The following ANKRD10 variants were observed in gnomAD, a reference collection of about 807,000 sequenced individuals.
ANKRD10 encodes the protein ankyrin repeat domain-containing protein 10.
ANKRD10 carries 14 observed loss-of-function variants against 27.0 expected under a neutral mutation model. The ratio of observed to expected loss-of-function variants is 0.52; its 90% CI spans 0.34 to 0.81. The LOEUF (loss-of-function observed/expected upper bound fraction) is 0.81, where lower values mean the gene tolerates loss of function less well. ANKRD10 is among the 40% of genes least tolerant of loss of function. The pLI, the probability that ANKRD10 is intolerant of heterozygous loss-of-function variation, is 0.01. For missense variants in ANKRD10, 493 were observed against 544.0 expected (o/e 0.91, Z 0.93); for synonymous variants, 250 against 224.5 (o/e 1.11, Z -1.01).
At position 110,906,034 on chromosome 13, in the gene ANKRD10, C is replaced by T. The variant is rs145034489; in HGVS notation, c.454G>A (p.Asp152Asn). Residue 152 changes from aspartate to asparagine, a missense_variant and splice_region_variant, in exon 3 of 6, where the codon GAC becomes AAC. Physicochemically the swap from Asp to Asn is conservative, Grantham distance 23. Coordinates refer to ENST00000267339, the MANE Select transcript of ANKRD10 (RefSeq NM_017664.4). ...SALVANGAHV[D>N]LRNASGLTAA... is the part of the protein sequence containing the mutation. ...AAAGAATAAACGAAAGACACTTACT[C>T]GACGTGAGCCCCATTCGCCACAAGG... 310 of 1,591,980 alleles carry T rather than the reference C, an allele frequency of 1.9e-4. 4 individuals carry two copies. The South Asian group carries it at 2.7e-3, about 14-fold the overall frequency.
rs1325104896 is a variant in ANKRD10 at position 110,884,185 on chromosome 13, AT to A, written c.692-393del. 9.3e-5 allele frequency among the ~76,000 whole-genome samples: 14 copies of A among 150,158 alleles called. No homozygotes were observed. The South Asian group carries it at 3.0e-3, about 32-fold the overall frequency. ...TTTACATACAATTAAAACAATCCTGATTTTTTAAAAAAATCCACTATTTCCA... is the reference window on the plus strand; with the variant it reads ...TTTACATACAATTAAAACAATCCTGATTTTTAAAAAAATCCACTATTTCCA... On this transcript the variant is annotated intron_variant, in intron 4 of 5. Transcript: ENST00000267339.
intron 4 of ANKRD10, among the ~76,000 whole-genome samples, chr13:110,887,832 T>TC (rs1303006785): frequency 1.3e-5 from 2 of 152,082 alleles, no homozygotes; most frequent in Admixed American, 6.5e-5. Context: ...CCAGGACCCC[T>TC]CCCGCCTGTG....
intron 5 of ANKRD10, among the ~76,000 whole-genome samples, chr13:110,881,756 A>C (rs2064824100): frequency 6.6e-6 from 1 of 152,248 alleles, no homozygotes; most frequent in Non-Finnish European, 1.5e-5. Context: ...GTTTTTACTA[A>C]GAGAATAAAG....
Position 110,915,020 on chromosome 13 carries a change from AC to A in ANKRD10, c.-87del. The A allele has an allele frequency of 6.8e-7, 1 of 1,465,696 alleles. No individual in the cohort carries two copies. Among genetic ancestry groups the A allele is most frequent in the Non-Finnish European group, 9.0e-7 (1 of 1,113,662 alleles). The allele number at this position is 1,465,696 out of a possible 1,614,324, so 90.8% of individuals were successfully genotyped here. A position where few individuals can be genotyped will look rare whatever the true frequency, so the allele number is the denominator to read the frequency against. On this transcript the variant is annotated 5_prime_UTR_variant, in exon 1 of 6. Transcript: ENST00000267339. ...GAAGCCGCCGCCGCAGCACAAAGGAACGAGACTAGCGCCGCGGTCGCGTCCC... is the reference window on the plus strand; with the variant it reads ...GAAGCCGCCGCCGCAGCACAAAGGAAGAGACTAGCGCCGCGGTCGCGTCCC...
At chr13:110,880,828 G>A (rs1253201030) in intron 5 of ANKRD10, among the ~76,000 whole-genome samples, 2 of 152,164 alleles carry the variant, frequency 1.3e-5, no homozygotes, top group African/African-American at 2.4e-5. Flanking sequence ...GAACTGTAAC[G>A]GCCAACAGTC....
rs768347391 is a variant in ANKRD10 at position 110,879,749 on chromosome 13, G to A, written c.1151C>T (p.Ala384Val). The A allele has an allele frequency of 1.2e-6, 2 of 1,614,244 alleles. No individual in the cohort carries two copies. The highest frequency in any genetic ancestry group is 1.7e-6 in the Non-Finnish European group (2 of 1,180,046). The part of the protein sequence containing the change: ...YGHYHGFGDT[A>V]ESIPELNSVV... ...ACTGTTCAGTTCTGGGATGCTTTCA[G>A]CAGTGTCCCCAAACCCGTGGTAGTG... is the stretch of plus-strand genomic sequence containing the variant. The change falls in exon 6 of 6, where the codon GCT becomes GTT. Residue 384 changes from alanine (A) to valine (V), a missense_variant. Physicochemically the swap from Ala to Val is moderately conservative, Grantham distance 64. Coordinates refer to ENST00000267339, the MANE Select transcript of ANKRD10 (RefSeq NM_017664.4).
chr13:110,889,458 T>C (rs1024046599), intron 4 of ANKRD10, among the ~76,000 whole-genome samples: 37 of 152,200 alleles, frequency 2.4e-4, no homozygotes, highest in African/African-American at 8.7e-4. Flanking sequence ...TAAACTGCAT[T>C]TGACACAGAT....
intron 3 of ANKRD10, among the ~76,000 whole-genome samples, chr13:110,897,574 G>A (rs1402328735): frequency 6.6e-6 from 1 of 151,928 alleles, no homozygotes; most frequent in Non-Finnish European, 1.5e-5. Context: ...GTATTCCACG[G>A]GGTATATATA....
intron 1 of ANKRD10, among the ~76,000 whole-genome samples, chr13:110,913,968 A>G (rs1308097233): frequency 6.6e-6 from 1 of 152,166 alleles, no homozygotes; most frequent in Non-Finnish European, 1.5e-5. Flanking sequence ...AAGAAAAAAG[A>G]GGGGAACGTA....
At chr13:110,883,400 A>G (rs748959447) in intron 5 of ANKRD10, 16 of 619,448 alleles carry the variant, frequency 2.6e-5, no homozygotes, top group Non-Finnish European at 3.2e-5. Context: ...TTGCACTTAC[A>G]TTTTTCATGT....
intron 3 of ANKRD10, among the ~76,000 whole-genome samples, chr13:110,901,120 T>C (rs1566479023): frequency 6.6e-6 from 1 of 152,162 alleles, no homozygotes; most frequent in East Asian, 1.9e-4. Flanking sequence ...TAAAAAAAGA[T>C]AAAAAACATT....
chr13:110,894,561 T>A (rs1169917509), intron 3 of ANKRD10: 1 of 160,338 alleles, frequency 6.2e-6, no homozygotes, highest in Non-Finnish European at 1.4e-5. Flanking sequence ...GAAGTGTGCA[T>A]GGACACTAGC....
chr13:110,890,399 G>A (rs1304597664), intron 4 of ANKRD10, among the ~76,000 whole-genome samples: 1 of 152,184 alleles, frequency 6.6e-6, no homozygotes, highest in Non-Finnish European at 1.5e-5. Context: ...GAAACGAGTG[G>A]TGGGAGTGCA....
rs925572847 is a variant in ANKRD10, at chr13:110,915,033, C to T, written c.-99G>A. On this transcript the variant is annotated 5_prime_UTR_variant, in exon 1 of 6. Transcript: ENST00000267339. ...CAGCACAAAGGAACGAGACTAGCGCCGCGGTCGCGTCCCACAGGCTGCCGA... is the reference window on the plus strand; with the variant it reads ...CAGCACAAAGGAACGAGACTAGCGCTGCGGTCGCGTCCCACAGGCTGCCGA... 11 of 1,441,056 alleles carry T rather than the reference C, an allele frequency of 7.6e-6. No homozygotes were observed. The highest frequency in any genetic ancestry group is 1.0e-5 in the Non-Finnish European group (11 of 1,102,126). 89.3% of individuals were successfully genotyped at this position (1,441,056 alleles called of 1,614,324 possible).
In ANKRD10 at chr13:110,900,797, C is replaced by G; in HGVS notation, c.455+5236G>C. On this transcript the variant is annotated intron_variant, in intron 3 of 5. Transcript: ENST00000267339. ...ACAGGAAACTTAAATAATAAGGGATCACATATTTGCAGGCAACATTTGGAT... is the reference window on the plus strand; with the variant it reads ...ACAGGAAACTTAAATAATAAGGGATGACATATTTGCAGGCAACATTTGGAT... 3 of 696,536 alleles carry G rather than the reference C, an allele frequency of 4.3e-6. No individual in the cohort carries two copies. The Admixed American group carries it at 7.4e-5, about 17-fold the overall frequency. 43.1% of individuals were successfully genotyped at this position (696,536 alleles called of 1,614,324 possible).
intron 3 of ANKRD10, chr13:110,900,694 G>T: frequency 7.4e-7 from 1 of 1,350,250 alleles, no homozygotes; most frequent in Non-Finnish European, 9.8e-7. Context: ...GAATTACGTA[G>T]CTGTAAAACA....
At chr13:110,895,956 C>T (rs916692343) in intron 3 of ANKRD10, among the ~76,000 whole-genome samples, 4 of 152,128 alleles carry the variant, frequency 2.6e-5, no homozygotes, top group African/African-American at 9.7e-5. Flanking sequence ...TCCATGTGGT[C>T]TTAGGTATTA....
At chr13:110,901,379 A>G (rs1040211481) in intron 3 of ANKRD10, among the ~76,000 whole-genome samples, 13 of 152,330 alleles carry the variant, frequency 8.5e-5, no homozygotes, top group African/African-American at 2.9e-4. Flanking sequence ...AATTGAACCA[A>G]AATTATGTTT....
At position 110,896,583 on chromosome 13, in the gene ANKRD10, A is replaced by G. The variant is rs139264262; in HGVS notation, c.456-3320T>C. ...TGCACATTATAGAAATTGGCCTGAA[A>G]TGATCATTAAGGATCATCTAATCCA... On this transcript the variant is annotated intron_variant, in intron 3 of 5. Coordinates refer to ENST00000267339, the MANE Select transcript of ANKRD10 (RefSeq NM_017664.4). 3.0e-4 allele frequency among the ~76,000 whole-genome samples: 45 copies of G among 152,322 alleles called. No individual in the cohort carries two copies. In the East Asian group the frequency reaches 7.5e-3, roughly 25 times the overall value.
Sources: gnomAD v4.1 joint callset for allele counts (sites outside exome capture counted in the v4.1 genomes callset) on GRCh38, gnomAD v4.1.1 for gene constraint, MANE v1.5 for transcripts, NCBI Gene and HGNC (gene_info 2026-07-23, HGNC 2026-07-21) for gene names.